USP6NL: variants seen among roughly 807,000 people sequenced by gnomAD.
USP6NL encodes the protein USP6 N-terminal-like protein.
In USP6NL, 26 loss-of-function variants were observed where a neutral mutation model predicts 61.9. The ratio of observed to expected loss-of-function variants is 0.42; its 90% confidence interval spans 0.31 to 0.58. USP6NL has a LOEUF of 0.58. Among genes scored for constraint, USP6NL ranks in the 20% least tolerant of loss-of-function variants. USP6NL has a pLI of 0.16. For missense variants in USP6NL, 1,114 were observed against 1,034.3 expected (o/e 1.08, Z -1.06); for synonymous variants, 432 against 390.1 (o/e 1.11, Z -1.27).
Position 11,490,934 on chromosome 10 carries a change from AAT to A in USP6NL, c.495-56_495-55del. The A allele has an allele frequency of 6.9e-7, 1 of 1,442,430 alleles. No individual in the cohort carries two copies. The highest frequency in any genetic ancestry group is 1.4e-5 in the South Asian group (1 of 73,610). The allele number at this position is 1,442,430 out of a possible 1,614,324, so 89.4% of individuals were successfully genotyped here. On this transcript the variant is annotated intron_variant, in intron 8 of 14. Transcript: ENST00000609104. The surrounding 1 kb of genome is among the most constrained non-coding windows in gnomAD (Gnocchi z 4.5). ...ATTTAGTAATTTCACATATTTTAAA[AAT>A]TACAAACTTAAAAAAATAAACCAAA...
intron 2 of USP6NL, among the ~76,000 whole-genome samples, chr10:11,580,500 A>T (rs752851028): frequency 2.6e-5 from 4 of 152,214 alleles, no homozygotes; most frequent in Non-Finnish European, 5.9e-5. Flanking sequence ...ACAAGAACTT[A>T]ATAAAGTTTC....
intron 6 of USP6NL, among the ~76,000 whole-genome samples, chr10:11,507,944 C>G (rs1206208060): frequency 6.6e-6 from 1 of 152,220 alleles, no homozygotes; most frequent in Non-Finnish European, 1.5e-5. Flanking sequence ...CCTCTAGAAT[C>G]TGCCTCTTCA....
rs938980587 is a variant in USP6NL, at chr10:11,495,560, A to T, written c.385-2332T>A. The stretch of plus-strand genomic sequence containing the variant: ...ACATCTCTTTGCTTTTATAACTGAC[A>T]TTCTGGGAATTTCTTCAATTGTCAT... On this transcript the variant is annotated intron_variant, in intron 7 of 14. Coordinates refer to ENST00000609104, the MANE Select transcript of USP6NL (RefSeq NM_014688.5). This position sits in a 1 kb window ranked among gnomAD's most constrained non-coding sequence, Gnocchi z 4.6. Among the ~76,000 whole-genome samples, 50 of 152,068 alleles carry T rather than the reference A, an allele frequency of 3.3e-4. 1 individual carries two copies. The highest frequency in any genetic ancestry group is 1.1e-3 in the African/African-American group (45 of 41,384).
rs898649488 is a variant in USP6NL, at chr10:11,518,597, T to C, written c.156-23A>G. ...TCACTGCAGAGGAAAAACAGTATTATATGAAATTGTTGAAATCAAAACAAA... is the reference window on the plus strand; with the variant it reads ...TCACTGCAGAGGAAAAACAGTATTACATGAAATTGTTGAAATCAAAACAAA... On this transcript the variant is annotated intron_variant, in intron 4 of 14. Transcript: ENST00000609104. This position sits in a 1 kb window ranked among gnomAD's most constrained non-coding sequence, Gnocchi z 5.3. 8 of 1,598,548 alleles carry C rather than the reference T, an allele frequency of 5.0e-6. No homozygotes were observed. The Admixed American group carries it at 5.3e-5, about 11-fold the overall frequency.
intron 2 of USP6NL, among the ~76,000 whole-genome samples, chr10:11,558,962 T>A (rs989484786): frequency 6.6e-6 from 1 of 152,154 alleles, no homozygotes; most frequent in Admixed American, 6.5e-5. Flanking sequence ...AACCTACTTT[T>A]GAAAAACAAA....
At position 11,568,369 on chromosome 10, in the gene USP6NL, C is replaced by T. The variant is rs144617956; in HGVS notation, c.4+29262G>A. ...GTAAACACCATGACACAAAGACATT[C>T]GCTGACTTACCTAAAGTCATATGAT... On this transcript the variant is annotated intron_variant, in intron 2 of 14. Coordinates refer to ENST00000609104, the MANE Select transcript of USP6NL (RefSeq NM_014688.5). Among the ~76,000 whole-genome samples the T allele has an allele frequency of 6.8e-3, 1,036 of 152,194 alleles. 12 individuals carry two copies. The highest frequency in any genetic ancestry group is 0.023 in the African/African-American group (954 of 41,506).
intron 2 of USP6NL, among the ~76,000 whole-genome samples, chr10:11,545,990 T>A (rs190196585): frequency 6.6e-6 from 1 of 152,222 alleles, no homozygotes; most frequent in African/African-American, 2.4e-5. Flanking sequence ...CAGCTTACAT[T>A]ACTATCCTTG....
rs117655790 is a variant in USP6NL, at chr10:11,520,239, C to T, written c.156-1665G>A. ...AAACGATTCTCAAGAAGAAACGAAA[C>T]TGGTTACAAATAAAAAAGTCTTCAG... is the stretch of plus-strand genomic sequence containing the variant. On this transcript the variant is annotated intron_variant, in intron 4 of 14. Coordinates refer to ENST00000609104, the MANE Select transcript of USP6NL (RefSeq NM_014688.5). This position sits in a 1 kb window ranked among gnomAD's most constrained non-coding sequence, Gnocchi z 5.2. Among the ~76,000 whole-genome samples, 27 of 152,276 alleles carry T rather than the reference C, an allele frequency of 1.8e-4. No homozygotes were observed. The East Asian group carries it at 5.0e-3, about 28-fold the overall frequency.
At chr10:11,543,907 G>A (rs1836170883) in intron 2 of USP6NL, among the ~76,000 whole-genome samples, 2 of 148,768 alleles carry the variant, frequency 1.3e-5, no homozygotes, top group African/African-American at 5.0e-5. Context: ...CGCCTCCTGG[G>A]TTCATACCAT....
Position 11,466,635 on chromosome 10 carries a change from T to C in USP6NL, c.1079-2786A>G, listed in dbSNP as rs568073180. Among the ~76,000 whole-genome samples, 10 of 152,302 alleles carry C rather than the reference T, an allele frequency of 6.6e-5. No homozygotes were observed. The South Asian group carries it at 1.9e-3, about 28-fold the overall frequency. ...TGGTAGTTGCTATTACTCTATACAGTCATGCATCACTTAATGACAGGCATA... is the reference window on the plus strand; with the variant it reads ...TGGTAGTTGCTATTACTCTATACAGCCATGCATCACTTAATGACAGGCATA... On this transcript the variant is annotated intron_variant, in intron 14 of 14. Transcript: ENST00000609104.
chr10:11,584,831 G>A (rs768625618), intron 2 of USP6NL, among the ~76,000 whole-genome samples: 2 of 151,996 alleles, frequency 1.3e-5, no homozygotes, highest in East Asian at 1.9e-4. Context: ...CCAGCTACAT[G>A]AGAGGCTGAG....
chr10:11,512,419 G>A (rs1047761742), intron 5 of USP6NL, among the ~76,000 whole-genome samples: 7 of 152,068 alleles, frequency 4.6e-5, no homozygotes, highest in Admixed American at 3.9e-4. Context: ...GTTCCTAGAT[G>A]AAAACAGAAG....
intron 2 of USP6NL, among the ~76,000 whole-genome samples, chr10:11,547,606 C>T (rs958350671): frequency 3.4e-5 from 5 of 149,104 alleles, no homozygotes; most frequent in Non-Finnish European, 7.4e-5. Context: ...GTGGCACGAT[C>T]TCAGCTCACT....
chr10:11,506,863 GAGAAA>G (rs1834465627), intron 6 of USP6NL, among the ~76,000 whole-genome samples: 1 of 151,702 alleles, frequency 6.6e-6, no homozygotes, highest in Non-Finnish European at 1.5e-5. Flanking sequence ...AATCTGTGGA[GAGAAA>G]ACATACTTCT....
Position 11,490,512 on chromosome 10 carries a change from CCTT to C in USP6NL, c.543+317_543+319del, listed in dbSNP as rs1833666591. Among the ~76,000 whole-genome samples, 2 of 152,322 alleles carry C rather than the reference CCTT, an allele frequency of 1.3e-5. No individual in the cohort carries two copies. Among genetic ancestry groups the C allele is most frequent in the African/African-American group, 4.8e-5 (2 of 41,560 alleles). On this transcript the variant is annotated intron_variant, in intron 9 of 14. Transcript: ENST00000609104. The surrounding 1 kb of genome is among the most constrained non-coding windows in gnomAD (Gnocchi z 4.5). The stretch of plus-strand genomic sequence containing the variant: ...ATTAACCAAGCCACCCACTTCCTGT[CCTT>C]CTACCCTGTATATCTGCTTAAAAAT...
chr10:11,567,035 G>A (rs1837187649), intron 2 of USP6NL, among the ~76,000 whole-genome samples: 2 of 152,202 alleles, frequency 1.3e-5, no homozygotes, highest in Admixed American at 1.3e-4. Context: ...AATCACTTGA[G>A]CCGAGGAGTT....
In USP6NL at chr10:11,513,797, T is replaced by C. The variant is rs1444460689; in HGVS notation, c.196-4122A>G. Among the ~76,000 whole-genome samples, 3 of 152,208 alleles carry C rather than the reference T, an allele frequency of 2.0e-5. No individual in the cohort carries two copies. The highest frequency in any genetic ancestry group is 4.4e-5 in the Non-Finnish European group (3 of 68,024). On this transcript the variant is annotated intron_variant, in intron 5 of 14. Coordinates refer to ENST00000609104, the MANE Select transcript of USP6NL (RefSeq NM_014688.5). This position sits in a 1 kb window ranked among gnomAD's most constrained non-coding sequence, Gnocchi z 4.7. The stretch of plus-strand genomic sequence containing the variant: ...CCCCACTTGCCCCAAGACTGTTCTT[T>C]ATAGCTGGTTTTTTCTGTGGTGTGG...
rs1836572556 is a variant in USP6NL at position 11,553,596 on chromosome 10, A to C, written c.5-26029T>G. On this transcript the variant is annotated intron_variant, in intron 2 of 14. Coordinates refer to ENST00000609104, the MANE Select transcript of USP6NL (RefSeq NM_014688.5). This position sits in a 1 kb window ranked among gnomAD's most constrained non-coding sequence, Gnocchi z 4.8. ...AATATTAGATTTGTCTCAGTATAACAAAAAATAGCAAGATTAGGCTGGGTG... is the reference window on the plus strand; with the variant it reads ...AATATTAGATTTGTCTCAGTATAACCAAAAATAGCAAGATTAGGCTGGGTG... 6.6e-6 allele frequency among the ~76,000 whole-genome samples: 1 copy of C among 152,148 alleles called. No individual in the cohort carries two copies.
rs1365899940 is a variant in USP6NL, at chr10:11,468,111, TTC to T, written c.1079-4264_1079-4263del. 6.6e-6 allele frequency among the ~76,000 whole-genome samples: 1 copy of T among 152,230 alleles called. No individual in the cohort carries two copies. Among genetic ancestry groups the T allele is most frequent in the East Asian group, 1.9e-4 (1 of 5,208 alleles). On this transcript the variant is annotated intron_variant, in intron 14 of 14. Transcript: ENST00000609104. The surrounding 1 kb of genome is among the most constrained non-coding windows in gnomAD (Gnocchi z 4.5). The stretch of plus-strand genomic sequence containing the variant: ...ATGATGAGTGATCACCTTCTTTGCT[TTC>T]TGAGTGATCAAAAATCCATTTTTAA...
Sources: gnomAD v4.1 joint callset for allele counts (sites outside exome capture counted in the v4.1 genomes callset) on GRCh38, gnomAD v4.1.1 for gene constraint, Gnocchi (gnomAD v3.1) non-coding constraint, MANE v1.5 for transcripts, NCBI Gene and HGNC (gene_info 2026-07-23, HGNC 2026-07-21) for gene names.